Variants in MYT1L observed in about 807,000 individuals in gnomAD.
MYT1L encodes the protein myelin transcription factor 1-like protein.
In MYT1L, 12 loss-of-function variants were observed where a neutral mutation model predicts 126.7. That is an observed-to-expected ratio of 0.09 (90% CI 0.06 to 0.15). MYT1L has a LOEUF of 0.15. Among genes scored for constraint, MYT1L ranks in the 10% least tolerant of loss-of-function variants. The probability of loss-of-function intolerance (pLI) is 1.00; values close to 1 mark genes in which losing one functional copy is unlikely to be tolerated. For missense variants in MYT1L, 979 were observed against 1,585.2 expected (o/e 0.62, Z 6.49); for synonymous variants, 541 against 604.2 (o/e 0.90, Z 1.53).
chr2:1,812,137 G>T (rs904563442), intron 21 of MYT1L, among the ~76,000 whole-genome samples: 2 of 152,162 alleles, frequency 1.3e-5, no homozygotes, highest in Non-Finnish European at 2.9e-5. Context: ...GGTAGACTCT[G>T]CAGTCAGGTG....
intron 2 of MYT1L, among the ~76,000 whole-genome samples, chr2:2,240,161 C>T (rs1353587663): frequency 3.3e-5 from 5 of 152,014 alleles, no homozygotes; most frequent in Non-Finnish European, 7.4e-5. Context: ...CAGCCAGGCA[C>T]GTGGCACAGA....
chr2:1,877,195 C>G (rs1413827894), intron 18 of MYT1L, among the ~76,000 whole-genome samples: 1 of 152,172 alleles, frequency 6.6e-6, no homozygotes, highest in Non-Finnish European at 1.5e-5. Flanking sequence ...CTTCAGAATG[C>G]CTGGATTCCT....
intron 3 of MYT1L, among the ~76,000 whole-genome samples, chr2:2,122,837 ATGTG>A (rs200951880): frequency 0.1 from 14,207 of 135,438 alleles, 743 homozygotes; most frequent in East Asian, 0.22. Flanking sequence ...GAGGATAGGA[ATGTG>A]TGTGTGTGTG....
intron 3 of MYT1L, among the ~76,000 whole-genome samples, chr2:2,140,248 C>T (rs2083745578): frequency 6.6e-6 from 1 of 151,908 alleles, no homozygotes; most frequent in Non-Finnish European, 1.5e-5. Context: ...TAAAATGTGC[C>T]ATAGCAAATT....
At chr2:2,208,680 A>G (rs1349838833) in intron 2 of MYT1L, among the ~76,000 whole-genome samples, 1 of 152,220 alleles carries the variant, frequency 6.6e-6, no homozygotes, top group Non-Finnish European at 1.5e-5. Flanking sequence ...TGAGAGATAT[A>G]TCTTTAAATA....
At chr2:1,945,779 AT>A (rs1271745034) in intron 8 of MYT1L, among the ~76,000 whole-genome samples, 3 of 152,188 alleles carry the variant, frequency 2.0e-5, no homozygotes, top group African/African-American at 7.2e-5. Flanking sequence ...GCTATTTTTT[AT>A]TTTTATTCAG....
At chr2:2,257,705 A>G (rs1322237292) in intron 2 of MYT1L, among the ~76,000 whole-genome samples, 3 of 147,426 alleles carry the variant, frequency 2.0e-5, no homozygotes, top group African/African-American at 8.1e-5. Context: ...GGACCTCTTC[A>G]AGGAGAACTA....
At chr2:1,893,565 G>C (rs1193115682) in intron 14 of MYT1L, among the ~76,000 whole-genome samples, 2 of 152,148 alleles carry the variant, frequency 1.3e-5, no homozygotes, top group East Asian at 3.9e-4. Context: ...GCCTAATTCT[G>C]ATGGAAACTA....
intron 4 of MYT1L, among the ~76,000 whole-genome samples, chr2:2,031,360 G>C (rs1303062367): frequency 6.6e-6 from 1 of 152,268 alleles, no homozygotes; most frequent in Admixed American, 6.5e-5. Context: ...AGCTGCCAGA[G>C]CAGATTGTAG....
chr2:2,023,679 G>A (rs17039277), intron 4 of MYT1L, among the ~76,000 whole-genome samples: 9,911 of 151,794 alleles, frequency 0.065, 1,004 homozygotes, highest in African/African-American at 0.22. Context: ...GGAGCAACCT[G>A]GAAAGGCTGT....
intron 3 of MYT1L, among the ~76,000 whole-genome samples, chr2:2,071,449 T>C (rs1018211471): frequency 1.5e-4 from 23 of 152,194 alleles, no homozygotes; most frequent in African/African-American, 5.5e-4. Context: ...TGGGGTGTGA[T>C]ATTGACAAAC....
chr2:2,155,846 T>C (rs963365369), intron 3 of MYT1L, among the ~76,000 whole-genome samples: 1 of 152,068 alleles, frequency 6.6e-6, no homozygotes, highest in Non-Finnish European at 1.5e-5. Flanking sequence ...GTCATGAGAG[T>C]TGGTTCCAGG....
At chr2:2,003,391 C>A (rs530805846) in intron 4 of MYT1L, among the ~76,000 whole-genome samples, 1 of 152,158 alleles carries the variant, frequency 6.6e-6, no homozygotes, top group Admixed American at 6.5e-5. Flanking sequence ...ACAACCCAGG[C>A]CCCCAGTCCA....
In MYT1L at chr2:2,110,910, C is replaced by T. The variant is rs534277067; in HGVS notation, c.-303-56787G>A. Among the ~76,000 whole-genome samples, 4 of 152,258 alleles carry T rather than the reference C, an allele frequency of 2.6e-5. No individual in the cohort carries two copies. The East Asian group carries it at 5.8e-4, about 22-fold the overall frequency. On this transcript the variant is annotated intron_variant, in intron 3 of 24. Transcript: ENST00000647738. ...ACTGAGGTCTCAGGCCACCCCAGGG[C>T]GGGCCCTGGAGTTGAGCTGGTCCTT...
chr2:1,932,905 T>A (rs35846278), intron 9 of MYT1L, among the ~76,000 whole-genome samples: 4,382 of 152,242 alleles, frequency 0.029, 93 homozygotes, highest in Non-Finnish European at 0.046. Context: ...CAACCCTGGA[T>A]GCCTTCTGCT....
intron 8 of MYT1L, among the ~76,000 whole-genome samples, chr2:1,958,795 G>A (rs527316094): frequency 6.4e-4 from 95 of 149,584 alleles, no homozygotes; most frequent in Admixed American, 4.0e-4. Context: ...TGGCCCAACC[G>A]ACTGCAGAGG....
chr2:2,084,534 C>A (rs1340480657), intron 3 of MYT1L, among the ~76,000 whole-genome samples: 3 of 152,172 alleles, frequency 2.0e-5, no homozygotes, highest in African/African-American at 7.2e-5. Context: ...CAGCCAGCAG[C>A]CAGCAAGGGG....
At chr2:1,978,928 T>G (rs895365833) in intron 8 of MYT1L, among the ~76,000 whole-genome samples, 1 of 152,180 alleles carries the variant, frequency 6.6e-6, no homozygotes, top group Non-Finnish European at 1.5e-5. Context: ...AGCTTAAGGC[T>G]GGCCTGAATT....
At chr2:2,178,105 T>C (rs1227434996) in intron 2 of MYT1L, among the ~76,000 whole-genome samples, 1 of 152,112 alleles carries the variant, frequency 6.6e-6, no homozygotes, top group African/African-American at 2.4e-5. Context: ...ACTGTAATAA[T>C]TTACTTGATT....
Sources: allele counts gnomAD v4.1 joint callset (sites outside exome capture counted in the v4.1 genomes callset), GRCh38; gene constraint gnomAD v4.1.1; transcripts MANE v1.5; gene names NCBI Gene and HGNC (gene_info 2026-07-23, HGNC 2026-07-21).